Variants in ADGRL2 observed in about 807,000 individuals in gnomAD.
ADGRL2 encodes the protein calcium-independent alpha-latrotoxin receptor 2.
Under a neutral mutation model 157.4 loss-of-function variants are expected in ADGRL2, and 44 were observed. The ratio of observed to expected loss-of-function variants is 0.28; its 90% confidence interval spans 0.22 to 0.36. The LOEUF (loss-of-function observed/expected upper bound fraction) is 0.36. Ranked by LOEUF, ADGRL2 falls within the 10% of genes least tolerant of loss-of-function variation. The pLI, the probability that ADGRL2 is intolerant of heterozygous loss-of-function variation, is 1.00. For missense variants in ADGRL2, 1,510 were observed against 1,768.9 expected (o/e 0.85, Z 2.63); for synonymous variants, 585 against 624.7 (o/e 0.94, Z 0.95).
intron 2 of ADGRL2, among the ~76,000 whole-genome samples, chr1:81,537,812 GC>G (rs1158882309): frequency 4.0e-5 from 6 of 150,898 alleles, no homozygotes; most frequent in Admixed American, 2.6e-4. Context: ...TGATTCTCCT[GC>G]CTCAGCCTCC....
intron 3 of ADGRL2, among the ~76,000 whole-genome samples, chr1:81,684,228 G>A (rs1186890230): frequency 6.6e-6 from 1 of 152,198 alleles, no homozygotes; most frequent in East Asian, 1.9e-4. Flanking sequence ...CACAGTGGCT[G>A]TACTAGTTTA....
chr1:81,413,141 G>T (rs1483383975), intron 1 of ADGRL2, among the ~76,000 whole-genome samples: 1 of 152,058 alleles, frequency 6.6e-6, no homozygotes. Flanking sequence ...CTCCCTGGAT[G>T]TAGCCCTCCA....
At chr1:81,469,635 A>G (rs1037470919) in intron 2 of ADGRL2, among the ~76,000 whole-genome samples, 1 of 152,148 alleles carries the variant, frequency 6.6e-6, no homozygotes, top group African/African-American at 2.4e-5. Context: ...ATCTAAAAAA[A>G]CCACAGGCGG....
At chr1:81,645,848 T>G (rs1045027242) in intron 3 of ADGRL2, among the ~76,000 whole-genome samples, 1 of 152,154 alleles carries the variant, frequency 6.6e-6, no homozygotes, top group African/African-American at 2.4e-5. Flanking sequence ...TCTTTGGTCA[T>G]ATGTATGACT....
chr1:81,374,726 A>G (rs2076219796), intron 1 of ADGRL2, among the ~76,000 whole-genome samples: 1 of 152,174 alleles, frequency 6.6e-6, no homozygotes, highest in Non-Finnish European at 1.5e-5. Flanking sequence ...TCTGGCATGC[A>G]TATCCACTCT....
chr1:81,523,829 C>T lies in ADGRL2; in HGVS notation c.-247-57047C>T, dbSNP rs140751669. Among the ~76,000 whole-genome samples the T allele has an allele frequency of 2.9e-3, 443 of 152,042 alleles. 2 individuals carry two copies. The highest frequency in any genetic ancestry group is 5.3e-3 in the Non-Finnish European group (358 of 67,976). On this transcript the variant is annotated intron_variant, in intron 2 of 24. Transcript: ENST00000370721. ...CTGTAATCCCAGCACTTTGGGAGGC[C>T]GAAGTGGGCGGATCACAAGGTCAGG...
intron 1 of ADGRL2, among the ~76,000 whole-genome samples, chr1:81,442,933 G>A (rs2077534914): frequency 6.6e-6 from 1 of 152,148 alleles, no homozygotes; most frequent in Admixed American, 6.6e-5. Context: ...CTTACAGTAC[G>A]CTGACAAACT....
rs546157723 is a variant in ADGRL2, at chr1:81,809,415, T to C, written c.-101+8347T>C. Reference sequence around the variant, plus strand: ...TAACATTTATATATATTTTTAAATCTGATAAAAAAAGAGATGGAGATAAAA... The same window carrying C: ...TAACATTTATATATATTTTTAAATCCGATAAAAAAAGAGATGGAGATAAAA... On this transcript the variant is annotated intron_variant, in intron 1 of 23. Coordinates refer to ENST00000686636, the MANE Select transcript of ADGRL2 (RefSeq NM_001366006.2). 5.1e-4 allele frequency among the ~76,000 whole-genome samples: 78 copies of C among 152,116 alleles called. 1 individual carries two copies. Among genetic ancestry groups the C allele is most frequent in the Non-Finnish European group, 8.5e-4 (58 of 67,912 alleles).
At chr1:81,380,266 G>A (rs2076321345) in intron 1 of ADGRL2, among the ~76,000 whole-genome samples, 1 of 152,114 alleles carries the variant, frequency 6.6e-6, no homozygotes, top group Non-Finnish European at 1.5e-5. Flanking sequence ...TTCATGTCCT[G>A]TGCCTATCAC....
At chr1:81,874,670 C>CTGTCCTGTCCTGTCA (rs979665880) in intron 2 of ADGRL2, among the ~76,000 whole-genome samples, 3 of 147,220 alleles carry the variant, frequency 2.0e-5, no homozygotes, top group African/African-American at 7.5e-5. Context: ...CTGTCCTGTC[C>CTGTCCTGTCCTGTCA]TGTCATGTCT....
chr1:81,678,488 T>C (rs2083041167), intron 3 of ADGRL2, among the ~76,000 whole-genome samples: 1 of 152,226 alleles, frequency 6.6e-6, no homozygotes, highest in Non-Finnish European at 1.5e-5. Flanking sequence ...CAACTGTATC[T>C]TTGGCCTAAA....
chr1:81,450,115 C>CT (rs1157495457), intron 2 of ADGRL2, among the ~76,000 whole-genome samples: 1 of 152,158 alleles, frequency 6.6e-6, no homozygotes, highest in Non-Finnish European at 1.5e-5. Context: ...GTGCCAGTGA[C>CT]TTTAACAGAG....
intron 3 of ADGRL2, among the ~76,000 whole-genome samples, chr1:81,632,809 T>C (rs529925172): frequency 6.6e-6 from 1 of 151,036 alleles, no homozygotes; most frequent in East Asian, 1.9e-4. Context: ...GGGGCTATGT[T>C]AGGAGGTGAA....
chr1:81,862,185 G>A (rs2093411782), intron 2 of ADGRL2, among the ~76,000 whole-genome samples: 3 of 151,754 alleles, frequency 2.0e-5, no homozygotes, highest in Non-Finnish European at 4.4e-5. Context: ...TAGTTATTAA[G>A]GAATTTAAAA....
At chr1:81,480,812 G>A (rs2147877283) in intron 2 of ADGRL2, among the ~76,000 whole-genome samples, 1 of 152,154 alleles carries the variant, frequency 6.6e-6, no homozygotes, top group East Asian at 1.9e-4. Flanking sequence ...TCTAGTACAG[G>A]AATTTACCCC....
At chr1:81,978,015 A>G (rs1323931861) in intron 17 of ADGRL2, among the ~76,000 whole-genome samples, 1 of 151,620 alleles carries the variant, frequency 6.6e-6, no homozygotes, top group Non-Finnish European at 1.5e-5. Flanking sequence ...TAGGATGTTT[A>G]TAGAGTTCTT....
chr1:81,322,765 A>C (rs1427554244), intron 1 of ADGRL2, among the ~76,000 whole-genome samples: 1 of 152,350 alleles, frequency 6.6e-6, no homozygotes, highest in Middle Eastern at 3.4e-3. Context: ...GGGGAACAGT[A>C]AAATAACCAA....
chr1:81,490,845 T>A (rs1330824619), intron 2 of ADGRL2, among the ~76,000 whole-genome samples: 5 of 152,178 alleles, frequency 3.3e-5, no homozygotes, highest in Admixed American at 3.3e-4. Flanking sequence ...AGAATGTACA[T>A]AGCAACTTTA....
At chr1:81,753,354 A>G (rs2085554142) in intron 1 of ADGRL2, among the ~76,000 whole-genome samples, 1 of 152,180 alleles carries the variant, frequency 6.6e-6, no homozygotes, top group Non-Finnish European at 1.5e-5. Context: ...CCCATTCACT[A>G]TCATGAGAAT....
Sources: allele counts gnomAD v4.1 joint callset (sites outside exome capture counted in the v4.1 genomes callset), GRCh38; gene constraint gnomAD v4.1.1; transcripts MANE v1.5; gene names NCBI Gene and HGNC (gene_info 2026-07-23, HGNC 2026-07-21).